The following CNTN4 variants were observed in gnomAD, a reference collection of about 807,000 sequenced individuals.
The protein encoded by CNTN4 is contactin-4.
Under a neutral mutation model 122.5 loss-of-function variants are expected in CNTN4, and 77 were observed. The ratio of observed to expected loss-of-function variants is 0.63; its 90% CI spans 0.52 to 0.76. The LOEUF (loss-of-function observed/expected upper bound fraction) is 0.76, where lower values mean the gene tolerates loss of function less well. CNTN4 is among the 30% of genes least tolerant of loss of function. The pLI is 0.00. For missense variants in CNTN4, 1,256 were observed against 1,259.1 expected, an observed-to-expected ratio of 1.00 and a Z score of 0.04; for synonymous variants, 512 against 447.0, an observed-to-expected ratio of 1.15 and a Z score of -1.83.
At chr3:3,015,744 T>C (rs886541855) in intron 14 of CNTN4, among the ~76,000 whole-genome samples, 4 of 152,224 alleles carry the variant, frequency 2.6e-5, no homozygotes, top group African/African-American at 4.8e-5. Context: ...GGTTTTTCTT[T>C]TGCATGTAAT....
At chr3:2,844,145 G>A (rs1421480473) in intron 7 of CNTN4, among the ~76,000 whole-genome samples, 1 of 152,116 alleles carries the variant, frequency 6.6e-6, no homozygotes, top group Non-Finnish European at 1.5e-5. Context: ...GATACCTCGT[G>A]GCTTGCAACC....
At chr3:2,248,055 T>A (rs903557066) in intron 2 of CNTN4, among the ~76,000 whole-genome samples, 8 of 151,982 alleles carry the variant, frequency 5.3e-5, no homozygotes, top group Non-Finnish European at 7.4e-5. Context: ...GTTTACTATC[T>A]CCTCATGCTA....
chr3:2,726,283 G>T (rs1018622065), intron 4 of CNTN4, among the ~76,000 whole-genome samples: 1 of 152,050 alleles, frequency 6.6e-6, no homozygotes, highest in Non-Finnish European at 1.5e-5. Flanking sequence ...CCCATGCATG[G>T]GAACCAATTT....
chr3:2,249,022 G>T (rs1296985368), intron 2 of CNTN4, among the ~76,000 whole-genome samples: 1 of 151,876 alleles, frequency 6.6e-6, no homozygotes, highest in Non-Finnish European at 1.5e-5. Flanking sequence ...CTTATCTGTT[G>T]TCTGAGATGA....
Position 2,894,222 on chromosome 3 carries a change from G to A in CNTN4, c.941-6463G>A, listed in dbSNP as rs538414993. On this transcript the variant is annotated intron_variant, in intron 10 of 24. Coordinates refer to ENST00000418658, the MANE Select transcript of CNTN4 (RefSeq NM_175607.3). ...TTTTGTTTTGATTGAAGTATATGAA[G>A]AAAATATGGTCTGACACATATATAA... Among the ~76,000 whole-genome samples, 31 of 152,230 alleles carry A rather than the reference G, an allele frequency of 2.0e-4. 1 individual carries two copies. The East Asian group carries it at 6.0e-3, about 29-fold the overall frequency.
chr3:2,706,909 A>C (rs902266017), intron 4 of CNTN4, among the ~76,000 whole-genome samples: 3 of 152,108 alleles, frequency 2.0e-5, no homozygotes, highest in Admixed American at 2.0e-4. Flanking sequence ...ATTGTAATGA[A>C]ATTTGAGTTA....
chr3:2,469,350 T>G (rs1006318411), intron 3 of CNTN4, among the ~76,000 whole-genome samples: 20 of 152,220 alleles, frequency 1.3e-4, no homozygotes, highest in African/African-American at 4.8e-4. Context: ...AGTAACAAAG[T>G]TAAACCTGCA....
At chr3:2,254,048 C>G (rs80021521) in intron 2 of CNTN4, among the ~76,000 whole-genome samples, 3 of 149,114 alleles carry the variant, frequency 2.0e-5, no homozygotes, top group African/African-American at 7.5e-5. Context: ...TAGCCCCCCA[C>G]CCCCCTACAG....
intron 4 of CNTN4, among the ~76,000 whole-genome samples, chr3:2,735,435 T>C: frequency 6.6e-6 from 1 of 152,248 alleles, no homozygotes; most frequent in East Asian, 1.9e-4. Flanking sequence ...GTCTCATGCA[T>C]CCAGTTTCTC....
intron 4 of CNTN4, among the ~76,000 whole-genome samples, chr3:2,580,863 G>A (rs1559264132): frequency 6.6e-6 from 1 of 152,154 alleles, no homozygotes; most frequent in Non-Finnish European, 1.5e-5. Context: ...TCATAGATAA[G>A]GGGTTACATG....
In CNTN4 at chr3:2,225,241, G is replaced by T. The variant is rs763409156; in HGVS notation, c.-144-113937G>T. Among the ~76,000 whole-genome samples, 8 of 150,448 alleles carry T rather than the reference G, an allele frequency of 5.3e-5. No homozygotes were observed. The South Asian group carries it at 1.5e-3, about 28-fold the overall frequency. ...CTTTAAAACCCAGGTCCTGCCAGGC[G>T]CATTGGCTCACACCTGCAATCCCAG... On this transcript the variant is annotated intron_variant, in intron 2 of 24. Coordinates refer to ENST00000418658, the MANE Select transcript of CNTN4 (RefSeq NM_175607.3).
At chr3:2,336,960 A>G (rs983871803) in intron 2 of CNTN4, among the ~76,000 whole-genome samples, 1 of 152,160 alleles carries the variant, frequency 6.6e-6, no homozygotes, top group East Asian at 1.9e-4. Context: ...AATGTGGGTC[A>G]AGTATTAATT....
At chr3:2,433,505 T>G (rs1559549035) in intron 3 of CNTN4, among the ~76,000 whole-genome samples, 1 of 152,178 alleles carries the variant, frequency 6.6e-6, no homozygotes, top group Admixed American at 6.6e-5. Context: ...CTGTTGAGTT[T>G]CATATATATT....
intron 4 of CNTN4, among the ~76,000 whole-genome samples, chr3:2,708,381 A>G (rs908274655): frequency 2.6e-5 from 4 of 152,222 alleles, no homozygotes; most frequent in Non-Finnish European, 5.9e-5. Context: ...ATGGACCACA[A>G]GAAATGATTA....
chr3:2,791,658 T>C (rs2092016138), intron 6 of CNTN4, among the ~76,000 whole-genome samples: 1 of 152,214 alleles, frequency 6.6e-6, no homozygotes, highest in South Asian at 2.1e-4. Flanking sequence ...CTGTAATAAA[T>C]TGACCTACAT....
chr3:2,494,129 T>A (rs1277258577), intron 3 of CNTN4, among the ~76,000 whole-genome samples: 1 of 152,248 alleles, frequency 6.6e-6, no homozygotes, highest in South Asian at 2.1e-4. Flanking sequence ...TGAAAGAGAG[T>A]CAAACTCTGT....
At chr3:2,292,300 C>G (rs969078799) in intron 2 of CNTN4, among the ~76,000 whole-genome samples, 1 of 152,160 alleles carries the variant, frequency 6.6e-6, no homozygotes, top group South Asian at 2.1e-4. Context: ...TTTCTTCTAT[C>G]TCTTAGTGAA....
At chr3:2,451,572 G>A (rs2048830408) in intron 3 of CNTN4, among the ~76,000 whole-genome samples, 1 of 151,546 alleles carries the variant, frequency 6.6e-6, no homozygotes, top group South Asian at 2.1e-4. Context: ...GGAATTACCA[G>A]TTTTTTATTT....
chr3:2,752,758 C>T lies in CNTN4; in HGVS notation c.358+7061C>T, dbSNP rs148040005. ...GTCTGTTAACCAGTCTCTCCCTATCCTTCTTCCTCCCTTCCCCACCTCTAG... is the reference window on the plus strand; with the variant it reads ...GTCTGTTAACCAGTCTCTCCCTATCTTTCTTCCTCCCTTCCCCACCTCTAG... On this transcript the variant is annotated intron_variant, in intron 6 of 24. Coordinates refer to ENST00000418658, the MANE Select transcript of CNTN4 (RefSeq NM_175607.3). 6.5e-4 allele frequency among the ~76,000 whole-genome samples: 99 copies of T among 152,258 alleles called. 2 individuals are homozygous for T. The East Asian group carries it at 0.017, about 26-fold the overall frequency.
Sources: allele counts gnomAD v4.1 joint callset (sites outside exome capture counted in the v4.1 genomes callset), GRCh38; gene constraint gnomAD v4.1.1; transcripts MANE v1.5; gene names NCBI Gene and HGNC (gene_info 2026-07-23, HGNC 2026-07-21).